The following INVS variants were observed in gnomAD, a reference collection of about 807,000 sequenced individuals.
INVS encodes inversin.
In INVS, 86 loss-of-function variants were observed where a neutral mutation model predicts 108.8. The ratio of observed to expected loss-of-function variants is 0.79; its 90% CI spans 0.66 to 0.95. The LOEUF (loss-of-function observed/expected upper bound fraction) is 0.95, where lower values mean the gene tolerates loss of function less well. INVS is among the 40% of genes least tolerant of loss of function. The pLI is 0.00. For synonymous variants in INVS, 455 were observed against 473.5 expected (o/e 0.96, Z 0.51); for missense variants, 1,169 against 1,297.4 (o/e 0.90, Z 1.52).
At chr9:100,267,577 A>T (rs1168394500) in intron 11 of INVS, among the ~76,000 whole-genome samples, 2 of 152,232 alleles carry the variant, frequency 1.3e-5, no homozygotes, top group African/African-American at 4.8e-5. Context: ...TAGTCAGTTG[A>T]TGAACAACGT....
At chr9:100,259,015 G>A (rs1018613235) in intron 10 of INVS, among the ~76,000 whole-genome samples, 2 of 152,224 alleles carry the variant, frequency 1.3e-5, no homozygotes, top group African/African-American at 2.4e-5. Context: ...GCCCCCAGAG[G>A]TGGAGTCTAC....
intron 3 of INVS, 73 bp downstream of exon 3, chr9:100,126,622 A>G (rs753214940): frequency 4.4e-6 from 6 of 1,368,362 alleles, no homozygotes; most frequent in Non-Finnish European, 6.3e-6. Flanking sequence ...GAACTATGCA[A>G]TGGACAGATA....
intron 2 of INVS, among the ~76,000 whole-genome samples, chr9:100,107,505 G>A (rs551568351): frequency 2.0e-5 from 3 of 152,148 alleles, no homozygotes; most frequent in East Asian, 1.9e-4. Context: ...TTTACCTCAC[G>A]TGGTAAAACT....
intron 3 of INVS, chr9:100,130,663 C>T (rs933689453): frequency 2.0e-5 from 3 of 152,168 alleles, no homozygotes; most frequent in African/African-American, 7.2e-5. Context: ...CAAGTATTGT[C>T]TGTCCCACTT....
intron 3 of INVS, among the ~76,000 whole-genome samples, chr9:100,190,360 A>G (rs1308537183): frequency 6.6e-6 from 1 of 152,172 alleles, no homozygotes; most frequent in Non-Finnish European, 1.5e-5. Context: ...TAGACCATTT[A>G]CATTTAACGT....
At chr9:100,117,311 T>G (rs913914104) in intron 2 of INVS, 158 of 729,696 alleles carry the variant, frequency 2.2e-4, no homozygotes, top group Non-Finnish European at 3.6e-4. Flanking sequence ...CGGCGTAACC[T>G]TCAAAATCTC....
chr9:100,126,663 G>GT, intron 3 of INVS, 114 bp downstream of exon 3: 1 of 992,870 alleles, frequency 1.0e-6, no homozygotes, highest in Non-Finnish European at 1.6e-6. Context: ...TGACTCATAG[G>GT]TTTTATATAT....
At chr9:100,175,478 A>C in intron 3 of INVS, 1 of 826,006 alleles carries the variant, frequency 1.2e-6, no homozygotes, top group Non-Finnish European at 2.1e-6. Flanking sequence ...TCAGTGATAG[A>C]TTTCAGAGAC....
intron 3 of INVS, among the ~76,000 whole-genome samples, chr9:100,198,015 G>T (rs949680872): frequency 1.3e-5 from 2 of 152,018 alleles, no homozygotes; most frequent in Non-Finnish European, 2.9e-5. Flanking sequence ...TAGGTCTGTG[G>T]GAGTTAAGAG....
At chr9:100,106,932 C>T (rs374400520) in intron 2 of INVS, among the ~76,000 whole-genome samples, 6 of 146,760 alleles carry the variant, frequency 4.1e-5, no homozygotes, top group African/African-American at 1.1e-4. Flanking sequence ...CTAAAACTCA[C>T]GGTGCTCAAT....
chr9:100,175,632 G>C, intron 3 of INVS: 1 of 669,188 alleles, frequency 1.5e-6, no homozygotes, highest in Non-Finnish European at 2.8e-6. Flanking sequence ...TAGCAATGGT[G>C]TGACTCCAAA....
intron 3 of INVS, among the ~76,000 whole-genome samples, chr9:100,167,251 C>T (rs969698992): frequency 3.3e-5 from 5 of 152,018 alleles, no homozygotes; most frequent in African/African-American, 1.2e-4. Flanking sequence ...TTTTCCATCT[C>T]AGAGTAAAAG....
chr9:100,099,666 A>G (rs2118779545), intron 1 of INVS, among the ~76,000 whole-genome samples: 1 of 152,280 alleles, frequency 6.6e-6, no homozygotes, highest in East Asian at 1.9e-4. Context: ...TAAGGAGTAG[A>G]TGTGGTACGG....
chr9:100,126,967 A>G (rs1463236320), intron 3 of INVS, among the ~76,000 whole-genome samples: 1 of 152,134 alleles, frequency 6.6e-6, no homozygotes, highest in African/African-American at 2.4e-5. Context: ...TTCCTTAATG[A>G]GTATTACTTT....
intron 3 of INVS, among the ~76,000 whole-genome samples, chr9:100,141,612 C>T (rs1158530528): frequency 6.6e-6 from 1 of 152,138 alleles, no homozygotes; most frequent in Non-Finnish European, 1.5e-5. Context: ...TCTACCTAGA[C>T]TAAGAGGTAT....
chr9:100,241,393 T>C (rs558063294), intron 6 of INVS, among the ~76,000 whole-genome samples: 8 of 152,184 alleles, frequency 5.3e-5, no homozygotes, highest in Non-Finnish European at 1.0e-4. Context: ...TTTTATCTCA[T>C]TTCATTTCCT....
chr9:100,163,554 G>A (rs140762732), intron 3 of INVS, among the ~76,000 whole-genome samples: 71 of 152,106 alleles, frequency 4.7e-4, no homozygotes, highest in African/African-American at 1.5e-3. Flanking sequence ...ATAAACAAGC[G>A]AATACATTTT....
At chr9:100,289,029 C>T (rs1833533999) in intron 13 of INVS, among the ~76,000 whole-genome samples, 1 of 152,182 alleles carries the variant, frequency 6.6e-6, no homozygotes. Context: ...ATCCCGGGAT[C>T]TTTACATTAT....
chr9:100,225,324 A>G (rs1831282218), intron 3 of INVS, among the ~76,000 whole-genome samples: 1 of 148,782 alleles, frequency 6.7e-6, no homozygotes, highest in African/African-American at 2.6e-5. Context: ...CTGGGGTTGC[A>G]GATGTGAGCC....
Sources: allele counts gnomAD v4.1 joint callset (sites outside exome capture counted in the v4.1 genomes callset), GRCh38; gene constraint gnomAD v4.1.1; transcripts MANE v1.5; gene names NCBI Gene and HGNC (gene_info 2026-07-23, HGNC 2026-07-21).